The following TRDN variants were observed in gnomAD, a reference collection of about 807,000 sequenced individuals.
The protein encoded by TRDN is triadin.
In TRDN, 161 loss-of-function variants were observed where a neutral mutation model predicts 149.7. The observed-to-expected ratio is 1.08, with a 90% confidence interval of 0.95 to 1.23. The LOEUF (loss-of-function observed/expected upper bound fraction) is 1.23. Among genes scored for constraint, TRDN ranks in the 50% most tolerant of loss-of-function variants. The pLI, the probability that TRDN is intolerant of heterozygous loss-of-function variation, is 0.00. For synonymous variants in TRDN, 294 were observed against 250.5 expected (o/e 1.17, Z -1.64); for missense variants, 896 against 823.5 (o/e 1.09, Z -1.08).
At chr6:123,504,964 G>A (rs374929840) in intron 7 of TRDN, among the ~76,000 whole-genome samples, 6 of 152,058 alleles carry the variant, frequency 3.9e-5, no homozygotes, top group African/African-American at 1.4e-4. Context: ...ATTTGATGAA[G>A]GCCGGGCATG....
intron 5 of TRDN, chr6:123,529,318 G>A (rs936458173): frequency 3.9e-5 from 60 of 1,548,420 alleles, no homozygotes; most frequent in Non-Finnish European, 4.8e-5. Context: ...ATTAAGAACC[G>A]AAAAAAGGAA....
chr6:123,633,010 G>T (rs922246289), intron 1 of TRDN, among the ~76,000 whole-genome samples: 4 of 152,140 alleles, frequency 2.6e-5, no homozygotes, highest in Non-Finnish European at 5.9e-5. Flanking sequence ...AGTGAAACGT[G>T]ATTCGGCTAA....
At chr6:123,520,874 A>G (rs1048549994) in intron 5 of TRDN, among the ~76,000 whole-genome samples, 3 of 152,140 alleles carry the variant, frequency 2.0e-5, no homozygotes, top group African/African-American at 4.8e-5. Context: ...AGAGAGGGAA[A>G]GAAAATATAT....
chr6:123,434,008 T>C (rs982095415), intron 12 of TRDN: 2 of 152,218 alleles, frequency 1.3e-5, no homozygotes, highest in Non-Finnish European at 2.9e-5. Flanking sequence ...GCTTCTTTTA[T>C]CTACAGTGAA....
chr6:123,350,219 T>C (rs901494102), intron 21 of TRDN: 1 of 967,236 alleles, frequency 1.0e-6, no homozygotes, highest in Non-Finnish European at 1.2e-6. Flanking sequence ...GTCGAAGTGA[T>C]TTTTAATTCT....
At chr6:123,510,200 T>C (rs931777834) in intron 7 of TRDN, 2 of 152,124 alleles carry the variant, frequency 1.3e-5, no homozygotes, top group Non-Finnish European at 2.9e-5. Flanking sequence ...AATGTTTCAG[T>C]TTACAATTCA....
chr6:123,344,464 TGA>T (rs1780180563), intron 21 of TRDN, among the ~76,000 whole-genome samples: 1 of 152,022 alleles, frequency 6.6e-6, no homozygotes, highest in Admixed American at 6.6e-5. Flanking sequence ...TAGTAACCAC[TGA>T]GTTTTTAACT....
At chr6:123,229,714 C>A (rs533292397) in intron 38 of TRDN, among the ~76,000 whole-genome samples, 2 of 151,898 alleles carry the variant, frequency 1.3e-5, no homozygotes, top group East Asian at 1.9e-4. Flanking sequence ...TAGGAGACTG[C>A]GTGTGTATGG....
intron 38 of TRDN, among the ~76,000 whole-genome samples, chr6:123,233,739 A>T (rs1775692913): frequency 6.6e-6 from 1 of 152,112 alleles, no homozygotes; most frequent in Non-Finnish European, 1.5e-5. Context: ...TCATGAATTT[A>T]ATCACCCTTG....
intron 22 of TRDN, among the ~76,000 whole-genome samples, chr6:123,332,226 A>T (rs983796693): frequency 2.6e-5 from 4 of 152,030 alleles, no homozygotes; most frequent in African/African-American, 9.7e-5. Context: ...TGTAATTTTT[A>T]AAAATCGCAT....
At chr6:123,224,184 C>G in intron 38 of TRDN, 53 bp from the exon 39 acceptor site, 1 of 1,552,216 alleles carries the variant, frequency 6.4e-7, no homozygotes, top group Non-Finnish European at 8.9e-7. Flanking sequence ...TCAGTTTTCC[C>G]AGAGGAAGTA....
At chr6:123,587,930 G>T (rs1291033739) in intron 1 of TRDN, among the ~76,000 whole-genome samples, 1 of 152,164 alleles carries the variant, frequency 6.6e-6, no homozygotes, top group East Asian at 1.9e-4. Flanking sequence ...ATCAGTTAAG[G>T]CAGGAACTGT....
chr6:123,277,660 G>T (rs1562242321), intron 26 of TRDN, among the ~76,000 whole-genome samples: 1 of 152,104 alleles, frequency 6.6e-6, no homozygotes. Context: ...ACCAAGGATT[G>T]CTGGAAAACA....
intron 24 of TRDN, among the ~76,000 whole-genome samples, chr6:123,283,985 C>T (rs1022238638): frequency 1.6e-4 from 9 of 57,190 alleles, no homozygotes; most frequent in South Asian, 6.3e-4. Flanking sequence ...CAACATGGCA[C>T]ATATATATAT....
chr6:123,377,418 ACT>A (rs1781550206), intron 18 of TRDN, among the ~76,000 whole-genome samples: 2 of 152,272 alleles, frequency 1.3e-5, no homozygotes, highest in African/African-American at 4.8e-5. Context: ...GAAGTTGCAG[ACT>A]CTGATTCAGT....
intron 23 of TRDN, among the ~76,000 whole-genome samples, chr6:123,325,617 A>G (rs1436314705): frequency 6.6e-6 from 1 of 152,216 alleles, no homozygotes; most frequent in Admixed American, 6.5e-5. Context: ...AATCCCTGTT[A>G]TATCAGTTTA....
In TRDN at chr6:123,406,538, C is replaced by G. The variant is rs558522273; in HGVS notation, c.1052-12861G>C. ...ATAAATTTTAATATAAAGCTTAAAA[C>G]TTTATATTATGTAATATATAATATT... On this transcript the variant is annotated intron_variant, in intron 12 of 40. Coordinates refer to ENST00000334268, the MANE Select transcript of TRDN (RefSeq NM_006073.4). Among the ~76,000 whole-genome samples the G allele has an allele frequency of 2.0e-5, 3 of 151,580 alleles. No homozygotes were observed. The East Asian group carries it at 5.8e-4, about 29-fold the overall frequency.
rs540763624 is a variant in TRDN at position 123,371,736 on chromosome 6, C to T, written c.1273+3869G>A. 3.9e-5 allele frequency among the ~76,000 whole-genome samples: 6 copies of T among 152,186 alleles called. No homozygotes were observed. The South Asian group carries it at 1.2e-3, about 32-fold the overall frequency. On this transcript the variant is annotated intron_variant, in intron 19 of 40. Coordinates refer to ENST00000334268, the MANE Select transcript of TRDN (RefSeq NM_006073.4). ...GCATTTTCAGTTTGGGGCTGGCACT[C>T]AGGACACCAACCTCATCTTTACACA...
rs551901570 is a variant in TRDN at position 123,373,583 on chromosome 6, A to G, written c.1273+2022T>C. On this transcript the variant is annotated intron_variant, in intron 19 of 40. Transcript: ENST00000334268. Reference sequence around the variant, plus strand: ...CAGGACCTAGAGTAAACAATCCCATACTACAAACTCAATCCACTTTCCAGT... The same window carrying G: ...CAGGACCTAGAGTAAACAATCCCATGCTACAAACTCAATCCACTTTCCAGT... 2.2e-4 allele frequency among the ~76,000 whole-genome samples: 33 copies of G among 152,128 alleles called. 1 individual carries two copies. The highest frequency in any genetic ancestry group is 2.9e-5 in the Non-Finnish European group (2 of 68,034).
Sources: allele counts gnomAD v4.1 joint callset (sites outside exome capture counted in the v4.1 genomes callset), GRCh38; gene constraint gnomAD v4.1.1; transcripts MANE v1.5; gene names NCBI Gene and HGNC (gene_info 2026-07-23, HGNC 2026-07-21).